NDC1: variants seen among roughly 807,000 people sequenced by gnomAD.
NDC1 encodes NDC1 transmembrane nucleoporin, also known as nucleoporin NDC1.
In NDC1, 24 loss-of-function variants were observed where a neutral mutation model predicts 89.8. That is an observed-to-expected ratio of 0.27 (90% confidence interval 0.19 to 0.38). The LOEUF (loss-of-function observed/expected upper bound fraction) is 0.38, where lower values mean the gene tolerates loss of function less well. NDC1 is among the 10% of genes least tolerant of loss of function. The probability of loss-of-function intolerance (pLI) is 1.00; values close to 1 mark genes in which losing one functional copy is unlikely to be tolerated. For missense variants in NDC1, 728 were observed against 797.6 expected (o/e 0.91, Z 1.05); for synonymous variants, 296 against 284.8 (o/e 1.04, Z -0.39).
chr1:53,830,579 G>C (rs973104735), intron 3 of NDC1, among the ~76,000 whole-genome samples: 15 of 152,200 alleles, frequency 9.9e-5, no homozygotes, highest in South Asian at 4.1e-4. Context: ...AAATGATGTA[G>C]GCTGGGCGCG....
intron 1 of NDC1, 57 bp downstream of exon 1, chr1:53,838,148 A>C: frequency 6.7e-7 from 1 of 1,496,568 alleles, no homozygotes; most frequent in African/African-American, 1.4e-5. Flanking sequence ...GCGCGATCAG[A>C]GCTTGCCCGC....
intron 9 of NDC1, 69 bp downstream of exon 9, chr1:53,806,329 CCTCAAAAAATACAACTACTTAAATATA>C (rs1286573862): frequency 2.8e-6 from 2 of 712,124 alleles, no homozygotes; most frequent in Non-Finnish European, 4.3e-6. Context: ...TATTATAGGC[CCTCAAAAAATACAACTACTTAAATATA>C]CTAAATATTA....
intron 17 of NDC1, among the ~76,000 whole-genome samples, chr1:53,770,375 C>T (rs1403187135): frequency 1.4e-4 from 22 of 151,990 alleles, no homozygotes; most frequent in Non-Finnish European, 1.3e-4. Flanking sequence ...GGTGCAGTAT[C>T]GGCTCACTGC....
In NDC1 at chr1:53,820,216, C is replaced by T. The variant is rs1194333016; in HGVS notation, c.595-1137G>A. 2.0e-5 allele frequency among the ~76,000 whole-genome samples: 3 copies of T among 151,534 alleles called. No individual in the cohort carries two copies. The East Asian group carries it at 5.8e-4, about 29-fold the overall frequency. ...GTTGCAGTAAGCCAAGACTGCACCA[C>T]TGCACTCCAGCCTGGGCAACAGAGT... On this transcript the variant is annotated intron_variant, in intron 5 of 17. Coordinates refer to ENST00000371429, the MANE Select transcript of NDC1 (RefSeq NM_018087.5).
At chr1:53,806,948 C>T (rs1045718316) in intron 8 of NDC1, among the ~76,000 whole-genome samples, 2 of 152,050 alleles carry the variant, frequency 1.3e-5, no homozygotes, top group African/African-American at 4.8e-5. Flanking sequence ...AACTTCCCTT[C>T]AGAAAACAAA....
At chr1:53,812,783 C>A (rs1648353825) in intron 6 of NDC1, among the ~76,000 whole-genome samples, 1 of 152,226 alleles carries the variant, frequency 6.6e-6, no homozygotes, top group African/African-American at 2.4e-5. Context: ...ACAAAAAGAT[C>A]TTTGCCTAGG....
intron 16 of NDC1, among the ~76,000 whole-genome samples, chr1:53,785,393 A>G (rs1647278365): frequency 6.6e-6 from 1 of 152,208 alleles, no homozygotes; most frequent in Admixed American, 6.5e-5. Flanking sequence ...GGCACTTGGG[A>G]AAGAGTACAA....
chr1:53,807,264 A>G (rs1648141944), intron 8 of NDC1, among the ~76,000 whole-genome samples: 1 of 151,564 alleles, frequency 6.6e-6, no homozygotes, highest in East Asian at 1.9e-4. Context: ...AAAAAAAAAA[A>G]AAAAAAAAAA....
Position 53,789,174 on chromosome 1 carries a change from G to C in NDC1, c.1658C>G (p.Ala553Gly), listed in dbSNP as rs775239207. The change falls in exon 15 of 18, where the codon GCT (alanine) becomes GGT (glycine). Residue 553 changes from alanine to glycine, a missense_variant. Ala to Gly is a moderately conservative substitution (Grantham distance 60). Transcript: ENST00000371429. The part of the protein sequence containing the change: ...FSKHPEASIQ[A>G]VFSDAQMHIW... ...ATGCATTTGGGCATCTGAAAAAACA[G>C]CCTGAATGGAGGCCTCTGGGTGCTA... The C allele has an allele frequency of 6.2e-7, 1 of 1,610,486 alleles. No homozygotes were observed. The highest frequency in any genetic ancestry group is 2.2e-5 in the East Asian group (1 of 44,766).
At chr1:53,824,286 G>C (rs1263217605) in intron 5 of NDC1, among the ~76,000 whole-genome samples, 4 of 150,960 alleles carry the variant, frequency 2.6e-5, no homozygotes, top group Non-Finnish European at 5.9e-5. Flanking sequence ...GAGAGAGAGA[G>C]AGACACGGTC....
At chr1:53,819,992 AC>A (rs1472906633) in intron 5 of NDC1, among the ~76,000 whole-genome samples, 4 of 151,946 alleles carry the variant, frequency 2.6e-5, no homozygotes, top group African/African-American at 9.7e-5. Flanking sequence ...GGTGGCTCAC[AC>A]CTGTAATCCT....
At chr1:53,815,831 A>C (rs1246433840) in intron 6 of NDC1, among the ~76,000 whole-genome samples, 1 of 152,232 alleles carries the variant, frequency 6.6e-6, no homozygotes, top group Non-Finnish European at 1.5e-5. Context: ...GAATCAAATC[A>C]AGAACTCAAA....
At chr1:53,789,600 C>G (rs2100641321) in intron 14 of NDC1, among the ~76,000 whole-genome samples, 1 of 151,958 alleles carries the variant, frequency 6.6e-6, no homozygotes, top group Admixed American at 6.5e-5. Flanking sequence ...GAGTTCGAGA[C>G]CAGCCTGGCC....
chr1:53,806,831 T>C (rs570364875), intron 8 of NDC1, among the ~76,000 whole-genome samples: 1 of 152,308 alleles, frequency 6.6e-6, no homozygotes, highest in Non-Finnish European at 1.5e-5. Flanking sequence ...GACAAACACT[T>C]GGATGATAAA....
intron 17 of NDC1, among the ~76,000 whole-genome samples, chr1:53,769,508 T>C (rs1044506550): frequency 3.9e-5 from 6 of 152,216 alleles, no homozygotes; most frequent in African/African-American, 7.2e-5. Flanking sequence ...ATAACATATG[T>C]TATAAACCTC....
chr1:53,778,901 G>A (rs1331942565), intron 16 of NDC1, among the ~76,000 whole-genome samples: 1 of 151,912 alleles, frequency 6.6e-6, no homozygotes, highest in Non-Finnish European at 1.5e-5. Context: ...CAACACTTCG[G>A]GAGGCCGAGG....
rs1423721897 is a variant in NDC1 at position 53,765,730 on chromosome 1, T to C, written c.*2240A>G. ...ACCTTCCATAAGGGTCAAGCAAACA[T>C]GCTAAGAGCTGATACCATCATGTTT... is the stretch of plus-strand genomic sequence containing the variant. On this transcript the variant is annotated 3_prime_UTR_variant, in exon 18 of 18. Coordinates refer to ENST00000371429, the MANE Select transcript of NDC1 (RefSeq NM_018087.5). The C allele has an allele frequency of 2.0e-5, 3 of 152,284 alleles. No homozygotes were observed. The highest frequency in any genetic ancestry group is 1.5e-5 in the Non-Finnish European group (1 of 68,014). 9.4% of individuals were successfully genotyped at this position (152,284 alleles called of 1,614,324 possible). A position where few individuals can be genotyped will look rare whatever the true frequency, so the allele number is the denominator to read the frequency against.
At position 53,804,740 on chromosome 1, in the gene NDC1, G is replaced by A. The variant is rs939306675; in HGVS notation, c.985-731C>T. 4.6e-4 allele frequency among the ~76,000 whole-genome samples: 69 copies of A among 151,352 alleles called. 1 individual carries two copies. The highest frequency in any genetic ancestry group is 1.5e-3 in the African/African-American group (64 of 41,332). On this transcript the variant is annotated intron_variant, in intron 9 of 17. Coordinates refer to ENST00000371429, the MANE Select transcript of NDC1 (RefSeq NM_018087.5). ...GATCCACCTGCCTTGGCCTCCCAAA[G>A]TGCTGGGATTACAGGCATGAGCCAC... is the stretch of plus-strand genomic sequence containing the variant.
chr1:53,798,387 T>C (rs1290397092), intron 11 of NDC1, among the ~76,000 whole-genome samples: 1 of 151,322 alleles, frequency 6.6e-6, no homozygotes, highest in Non-Finnish European at 1.5e-5. Context: ...CCAGATGGTT[T>C]TGACCTCCTG....
Sources: gnomAD v4.1 joint callset for allele counts (sites outside exome capture counted in the v4.1 genomes callset) on GRCh38, gnomAD v4.1.1 for gene constraint, MANE v1.5 for transcripts, NCBI Gene and HGNC (gene_info 2026-07-23, HGNC 2026-07-21) for gene names.